The following FRMD3 variants were observed in gnomAD, a reference collection of about 807,000 sequenced individuals.
The protein encoded by FRMD3 is FERM domain-containing protein 3.
A neutral mutation model predicts 70.2 loss-of-function variants in FRMD3; 33 were observed. The observed-to-expected ratio is 0.47, with a 90% CI of 0.36 to 0.63. The LOEUF (loss-of-function observed/expected upper bound fraction) is 0.63. FRMD3 is among the 20% of genes least tolerant of loss of function. The probability of loss-of-function intolerance (pLI) is 0.00; values close to 1 mark genes in which losing one functional copy is unlikely to be tolerated. For missense variants in FRMD3, 632 were observed against 711.4 expected, an observed-to-expected ratio of 0.89 and a Z score of 1.27; for synonymous variants, 279 against 255.9, an observed-to-expected ratio of 1.09 and a Z score of -0.86.
intron 1 of FRMD3, among the ~76,000 whole-genome samples, chr9:83,501,441 T>C (rs533130656): frequency 2.6e-5 from 4 of 152,354 alleles, no homozygotes; most frequent in Non-Finnish European, 5.9e-5. Context: ...GACTACATCC[T>C]GAAATTTTTA....
At chr9:83,545,333 AG>A in the FRMD3 span, among the ~76,000 whole-genome samples, 2 of 151,178 alleles carry the variant, frequency 1.3e-5, no homozygotes, top group Non-Finnish European at 2.9e-5. Context: ...ACAAAAATAC[AG>A]AGAAAAGTGT....
chr9:83,426,208 C>A (rs1459959732), intron 1 of FRMD3, among the ~76,000 whole-genome samples: 3 of 152,236 alleles, frequency 2.0e-5, no homozygotes, highest in Non-Finnish European at 4.4e-5. Context: ...GTGGAACCAG[C>A]CCTTCAGGCC....
At chr9:83,435,517 G>A (rs1476168416) in intron 1 of FRMD3, among the ~76,000 whole-genome samples, 5 of 152,002 alleles carry the variant, frequency 3.3e-5, no homozygotes, top group South Asian at 2.1e-4. Context: ...CACAGCCGTC[G>A]TTGAGAAGGC....
Position 83,536,930 on chromosome 9 carries a change from TAAAAAA to T in FRMD3, c.147+1149_147+1154del, listed in dbSNP as rs142272516. 1.8e-3 allele frequency among the ~76,000 whole-genome samples: 111 copies of T among 60,888 alleles called. 3 individuals carry two copies. Among genetic ancestry groups the T allele is most frequent in the Admixed American group, 4.1e-3 (20 of 4,840 alleles). The allele number at this position is 60,888 out of a possible 152,430, so 39.9% of individuals were successfully genotyped here. A position where few individuals can be genotyped will look rare whatever the true frequency, so the allele number is the denominator to read the frequency against. On this transcript the variant is annotated intron_variant, in intron 1 of 13. Transcript: ENST00000304195. ...ATGGGTGGTGTGCCCTGTATTACACTAAAAAAAAAAAAAAAAAAAAAAAGCTCAGTC... is the reference window on the plus strand; with the variant it reads ...ATGGGTGGTGTGCCCTGTATTACACTAAAAAAAAAAAAAAAAAGCTCAGTC...
Position 83,290,596 on chromosome 9 carries a change from G to C in FRMD3, c.1195+7C>G, listed in dbSNP as rs747236364. ...CACCAGCATTTGGGATGAAGAGACA[G>C]ACTTACCCTCACCCAGAGGAAGTTC... On this transcript the variant is annotated splice_region_variant and intron_variant, in intron 13 of 13. Coordinates refer to ENST00000304195, the MANE Select transcript of FRMD3 (RefSeq NM_174938.6). 5 of 1,614,008 alleles carry C rather than the reference G, an allele frequency of 3.1e-6. No individual in the cohort carries two copies. Among genetic ancestry groups the C allele is most frequent in the Non-Finnish European group, 4.2e-6 (5 of 1,179,962 alleles).
intron 1 of FRMD3, among the ~76,000 whole-genome samples, chr9:83,519,232 C>A (rs568643845): frequency 1.3e-5 from 2 of 152,052 alleles, no homozygotes; most frequent in East Asian, 3.9e-4. Context: ...AAAATTTTTG[C>A]AATCTATCCA....
intron 13 of FRMD3, chr9:83,281,681 A>C (rs1833975982): frequency 1.3e-5 from 2 of 152,198 alleles, no homozygotes; most frequent in African/African-American, 4.8e-5. Flanking sequence ...TATTTAATGA[A>C]TTCAACTTTA....
At chr9:83,345,480 G>A (rs1263744884) in intron 4 of FRMD3, among the ~76,000 whole-genome samples, 20 of 152,118 alleles carry the variant, frequency 1.3e-4, no homozygotes, top group Non-Finnish European at 2.8e-4. Flanking sequence ...CAGGGGGGCC[G>A]GGCATGGTGG....
chr9:83,267,351 C>T, intron 13 of FRMD3: 1 of 1,360,236 alleles, frequency 7.4e-7, no homozygotes, highest in Non-Finnish European at 9.6e-7. Flanking sequence ...CCACTCACCC[C>T]TCTAACAAAC....
chr9:83,491,352 C>T (rs1828820086), intron 1 of FRMD3, among the ~76,000 whole-genome samples: 1 of 152,148 alleles, frequency 6.6e-6, no homozygotes. Flanking sequence ...AAAAACAGTG[C>T]TTGCCGAGTT....
At chr9:83,463,480 C>T (rs763139330) in intron 1 of FRMD3, among the ~76,000 whole-genome samples, 18 of 152,098 alleles carry the variant, frequency 1.2e-4, no homozygotes, top group Non-Finnish European at 1.8e-4. Context: ...TGGAAAGCCC[C>T]TCACAAAGCC....
chr9:83,425,917 A>AC (rs1235550597), intron 1 of FRMD3, among the ~76,000 whole-genome samples: 29 of 151,164 alleles, frequency 1.9e-4, no homozygotes, highest in Admixed American at 5.3e-4. Context: ...CAAAAAAAAA[A>AC]AAAAAAAAAA....
At chr9:83,257,227 T>C (rs931222766) in intron 13 of FRMD3, among the ~76,000 whole-genome samples, 1 of 152,160 alleles carries the variant, frequency 6.6e-6, no homozygotes, top group Non-Finnish European at 1.5e-5. Flanking sequence ...TGCAGGGACA[T>C]GGATGGAGTT....
intron 1 of FRMD3, among the ~76,000 whole-genome samples, chr9:83,437,435 T>C (rs980397580): frequency 6.6e-6 from 1 of 152,220 alleles, no homozygotes; most frequent in African/African-American, 2.4e-5. Flanking sequence ...TGACTCGTGC[T>C]CATTCTATAT....
intron 1 of FRMD3, among the ~76,000 whole-genome samples, chr9:83,502,966 T>A (rs1002992772): frequency 6.6e-6 from 1 of 152,262 alleles, no homozygotes; most frequent in East Asian, 1.9e-4. Context: ...GTAATTACTA[T>A]AAGGGCAAAG....
At chr9:83,399,733 AT>A (rs1339817069) in intron 1 of FRMD3, among the ~76,000 whole-genome samples, 2 of 152,188 alleles carry the variant, frequency 1.3e-5, no homozygotes, top group East Asian at 1.9e-4. Context: ...TTATAACCAC[AT>A]TTTTTAATTG....
chr9:83,279,075 TTAA>T (rs1833883489), intron 13 of FRMD3: 1 of 152,216 alleles, frequency 6.6e-6, no homozygotes. Flanking sequence ...AACCCTTTCC[TTAA>T]TAACAAAATT....
chr9:83,453,275 T>C (rs947253393), intron 1 of FRMD3, among the ~76,000 whole-genome samples: 11 of 152,182 alleles, frequency 7.2e-5, no homozygotes, highest in Non-Finnish European at 1.6e-4. Flanking sequence ...ATACATTTGT[T>C]ATATTAGTTT....
intron 1 of FRMD3, among the ~76,000 whole-genome samples, chr9:83,534,530 C>T (rs947302351): frequency 3.3e-5 from 5 of 152,162 alleles, no homozygotes; most frequent in Non-Finnish European, 7.4e-5. Context: ...TGCCTTCTCC[C>T]CTTGTGGGAG....
Sources: allele counts gnomAD v4.1 joint callset (sites outside exome capture counted in the v4.1 genomes callset), GRCh38; gene constraint gnomAD v4.1.1; transcripts MANE v1.5; gene names NCBI Gene and HGNC (gene_info 2026-07-23, HGNC 2026-07-21).